The following LIMS4 variants were observed in gnomAD, a reference collection of about 807,000 sequenced individuals.
LIMS4 encodes the protein LIM and senescent cell antigen-like-containing domain protein 4.
the LIMS4 span, among the ~76,000 whole-genome samples, chr2:110,365,293 CA>C: frequency 6.2e-4 from 94 of 150,610 alleles, no homozygotes; most frequent in Non-Finnish European, 7.3e-5. Flanking sequence ...AGACAAAAAA[CA>C]ATTCTCAAAA....
the LIMS4 span, among the ~76,000 whole-genome samples, chr2:110,425,314 A>G: frequency 7.0e-6 from 1 of 142,274 alleles, no homozygotes. Context: ...TAGGAGGTTG[A>G]GGCTGCAGTG....
chr2:110,411,590 A>G, the LIMS4 span, among the ~76,000 whole-genome samples: 1 of 136,180 alleles, frequency 7.3e-6, no homozygotes, highest in South Asian at 2.3e-4. Context: ...CGGATTTGAG[A>G]TGCATCCTTC....
the LIMS4 span, among the ~76,000 whole-genome samples, chr2:110,392,226 G>A: frequency 2.6e-5 from 4 of 151,530 alleles, no homozygotes; most frequent in Non-Finnish European, 5.9e-5. Context: ...CTGTGCCAGT[G>A]TCTGGGTTGT....
chr2:110,395,936 G>A, the LIMS4 span, among the ~76,000 whole-genome samples: 45 of 141,366 alleles, frequency 3.2e-4, 2 homozygotes, highest in Non-Finnish European at 5.4e-4. Flanking sequence ...ACATACCAGC[G>A]TCCTAAAGAG....
the LIMS4 span, among the ~76,000 whole-genome samples, chr2:110,390,357 A>G: frequency 7.5e-6 from 1 of 132,722 alleles, no homozygotes; most frequent in Admixed American, 7.5e-5. Flanking sequence ...ACCTCCCTGG[A>G]TGTGGTGAGG....
the LIMS4 span, among the ~76,000 whole-genome samples, chr2:110,366,892 CA>C: frequency 6.7e-6 from 1 of 149,540 alleles, no homozygotes; most frequent in Non-Finnish European, 1.5e-5. Flanking sequence ...TTCTATACAC[CA>C]ACAATATCCA....
the LIMS4 span, chr2:110,360,597 C>T: frequency 2.9e-5 from 29 of 996,490 alleles, 1 homozygote; most frequent in East Asian, 7.5e-5. Flanking sequence ...CCTCATGGAG[C>T]GTCTGTGGCT....
chr2:110,382,150 T>TAC, the LIMS4 span, among the ~76,000 whole-genome samples: 5 of 81,394 alleles, frequency 6.1e-5, no homozygotes, highest in Non-Finnish European at 1.1e-4. Context: ...TATATATATA[T>TAC]ACATGTTTGA....
chr2:110,391,138 TG>T, the LIMS4 span, among the ~76,000 whole-genome samples: 1 of 30,784 alleles, frequency 3.2e-5, no homozygotes, highest in South Asian at 1.1e-3. Context: ...TGGAGGGAGC[TG>T]GGGGGAGAGC....
the LIMS4 span, among the ~76,000 whole-genome samples, chr2:110,359,384 C>T: frequency 1.2e-5 from 1 of 81,282 alleles, no homozygotes; most frequent in Non-Finnish European, 2.5e-5. Flanking sequence ...ATAACTCTCT[C>T]AGAGAACTAT....
At chr2:110,425,052 T>C in the LIMS4 span, among the ~76,000 whole-genome samples, 2 of 142,828 alleles carry the variant, frequency 1.4e-5, 1 homozygote, top group Admixed American at 1.4e-4. Context: ...ACAATAAACC[T>C]TGCTACTGCA....
At chr2:110,366,956 C>A in the LIMS4 span, among the ~76,000 whole-genome samples, 5 of 143,770 alleles carry the variant, frequency 3.5e-5, no homozygotes, top group Non-Finnish European at 7.7e-5. Flanking sequence ...CACACACACA[C>A]ACACACACAC....
the LIMS4 span, among the ~76,000 whole-genome samples, chr2:110,390,904 T>TGTCGAAGTAAAGCAACTGCTGC: frequency 6.6e-6 from 1 of 152,290 alleles, no homozygotes; most frequent in Non-Finnish European, 1.5e-5. Context: ...GCAAGTGCTG[T>TGTCGAAGTAAAGCAACTGCTGC]GTCGAAGTAA....
At chr2:110,411,509 A>G in the LIMS4 span, among the ~76,000 whole-genome samples, 5 of 136,712 alleles carry the variant, frequency 3.7e-5, no homozygotes, top group African/African-American at 6.7e-5. Flanking sequence ...TGTTGTCCCC[A>G]GTGATGCTAC....
the LIMS4 span, among the ~76,000 whole-genome samples, chr2:110,389,905 G>C: frequency 1.4e-5 from 2 of 145,462 alleles, no homozygotes; most frequent in African/African-American, 2.7e-5. Flanking sequence ...AAAGAGGCCA[G>C]GCTGGGGGAT....
chr2:110,367,678 A>C, the LIMS4 span, among the ~76,000 whole-genome samples: 1 of 146,434 alleles, frequency 6.8e-6, no homozygotes, highest in African/African-American at 2.7e-5. Flanking sequence ...GGAGTTCAAG[A>C]CCAGCCTGGG....
chr2:110,366,862 G>T, the LIMS4 span, among the ~76,000 whole-genome samples: 2 of 149,956 alleles, frequency 1.3e-5, no homozygotes, highest in Non-Finnish European at 2.9e-5. Flanking sequence ...ACAAAATCAA[G>T]GTACACAAAT....
the LIMS4 span, among the ~76,000 whole-genome samples, chr2:110,392,098 T>C: frequency 6.3e-4 from 96 of 152,182 alleles, no homozygotes; most frequent in Non-Finnish European, 1.1e-3. Flanking sequence ...GCATGTTTCA[T>C]CTGTGCATTC....
At chr2:110,396,011 C>G in the LIMS4 span, among the ~76,000 whole-genome samples, 2 of 140,508 alleles carry the variant, frequency 1.4e-5, no homozygotes, top group Non-Finnish European at 3.0e-5. Flanking sequence ...ACTTGCCTCC[C>G]CCTTCAACCC....
Sources: allele counts gnomAD v4.1 joint callset (sites outside exome capture counted in the v4.1 genomes callset), GRCh38; gene constraint gnomAD v4.1.1; transcripts MANE v1.5; gene names NCBI Gene and HGNC (gene_info 2026-07-23, HGNC 2026-07-21).